Variants in TRIM24 observed in about 807,000 individuals in gnomAD.
The protein encoded by TRIM24 is tripartite motif containing 24.
In TRIM24, 29 loss-of-function variants were observed where a neutral mutation model predicts 123.9. The ratio of observed to expected loss-of-function variants is 0.23; its 90% confidence interval spans 0.17 to 0.32. The LOEUF (loss-of-function observed/expected upper bound fraction) is 0.32, where lower values mean the gene tolerates loss of function less well. TRIM24 is among the 10% of genes least tolerant of loss of function. The pLI, the probability that TRIM24 is intolerant of heterozygous loss-of-function variation, is 1.00. For missense variants in TRIM24, 932 were observed against 1,295.3 expected (o/e 0.72, Z 4.31); for synonymous variants, 456 against 461.1 (o/e 0.99, Z 0.14).
intron 4 of TRIM24, 105 bp from the exon 5 acceptor site, chr7:138,525,136 T>C (rs1247823608): frequency 3.8e-6 from 2 of 520,820 alleles, no homozygotes; most frequent in East Asian, 3.6e-5. Context: ...AAGATTATTA[T>C]ATAAATTCTT....
chr7:138,579,122 A>G (rs1020222266), intron 14 of TRIM24, 82 bp from the exon 15 acceptor site: 1 of 1,165,396 alleles, frequency 8.6e-7, no homozygotes. Context: ...GGTGCTCACC[A>G]GAGAGTGGTC....
chr7:138,582,660 A>G (rs550705406), intron 17 of TRIM24, among the ~76,000 whole-genome samples: 1 of 152,246 alleles, frequency 6.6e-6, no homozygotes, highest in East Asian at 1.9e-4. Context: ...CGGAGGTTGC[A>G]GTGAGCCGAG....
rs1325171624 is a variant in TRIM24 at position 138,460,831 on chromosome 7, A to C, written c.283A>C (p.Met95Leu). Residue 95 changes from methionine (M) to leucine (L), a missense_variant, in exon 1 of 19, where the codon ATG (methionine) becomes CTG (leucine). This residue lies in a region of TRIM24 where 164 missense variants were observed against 181.9 expected (regional missense o/e 0.90). Transcript: ENST00000343526. The stretch of plus-strand genomic sequence containing the variant: ...GCGCTACCTCATGCTGCCCGCGCCC[A>C]TGCTGGGCTCGGCCGAGACCCCGCC... ...PQRYLMLPAP[M>L]LGSAETPPPV... is the part of the protein sequence containing the mutation. 6.3e-7 allele frequency: 1 copy of C among 1,576,032 alleles called. No individual in the cohort carries two copies. Among genetic ancestry groups the C allele is most frequent in the Non-Finnish European group, 8.6e-7 (1 of 1,167,154 alleles).
At chr7:138,505,892 A>G (rs1317009066) in intron 2 of TRIM24, among the ~76,000 whole-genome samples, 1 of 152,156 alleles carries the variant, frequency 6.6e-6, no homozygotes, top group East Asian at 1.9e-4. Context: ...GATTAATTCT[A>G]CAGTTTGTGC....
chr7:138,515,396 C>A, intron 3 of TRIM24, 37 bp downstream of exon 3: 1 of 1,600,048 alleles, frequency 6.2e-7, no homozygotes, highest in South Asian at 1.1e-5. Flanking sequence ...TTCCTTCTAT[C>A]TTTCCCCGTC....
At position 138,587,401 on chromosome 7, in the gene TRIM24, A is replaced by G. The variant is rs1798039036; in HGVS notation, c.*2450A>G. On this transcript the variant is annotated 3_prime_UTR_variant, in exon 19 of 19. Transcript: ENST00000343526. ...TCTCTCTGTAAATAGCCTTTGTGTAATGGTCTTTAGATTAATATCCTTTGA... is the reference window on the plus strand; with the variant it reads ...TCTCTCTGTAAATAGCCTTTGTGTAGTGGTCTTTAGATTAATATCCTTTGA... The G allele has an allele frequency of 6.6e-6, 1 of 152,190 alleles. No individual in the cohort carries two copies. The highest frequency in any genetic ancestry group is 1.5e-5 in the Non-Finnish European group (1 of 68,042). The allele number at this position is 152,190 out of a possible 1,614,324, so 9.4% of individuals were successfully genotyped here. A position where few individuals can be genotyped will look rare whatever the true frequency, so the allele number is the denominator to read the frequency against.
chr7:138,503,138 G>A (rs970492608), intron 1 of TRIM24, among the ~76,000 whole-genome samples: 5 of 116,258 alleles, frequency 4.3e-5, no homozygotes, highest in African/African-American at 1.7e-4. Flanking sequence ...TATAAAGTGT[G>A]CATTTATGTA....
chr7:138,557,773 C>A (rs1350767560), intron 9 of TRIM24, among the ~76,000 whole-genome samples: 1 of 152,150 alleles, frequency 6.6e-6, no homozygotes. Context: ...AATAGCATTT[C>A]TCGTTTTTGT....
At chr7:138,526,771 C>T (rs1220430262) in intron 5 of TRIM24, among the ~76,000 whole-genome samples, 1 of 152,072 alleles carries the variant, frequency 6.6e-6, no homozygotes. Flanking sequence ...TCTTTATTTA[C>T]CATATTCTAA....
intron 1 of TRIM24, among the ~76,000 whole-genome samples, chr7:138,487,513 C>T (rs544438325): frequency 3.1e-3 from 465 of 152,220 alleles, no homozygotes; most frequent in African/African-American, 1.0e-2. Flanking sequence ...TTTTGAGATA[C>T]GTTCCACCAA....
chr7:138,519,395 A>G, intron 4 of TRIM24, 74 bp downstream of exon 4: 3 of 1,489,644 alleles, frequency 2.0e-6, no homozygotes, highest in Non-Finnish European at 2.7e-6. Context: ...GCCAACCCTC[A>G]TCAAATGGCA....
At chr7:138,572,258 A>G (rs979192591) in intron 11 of TRIM24, among the ~76,000 whole-genome samples, 11 of 152,128 alleles carry the variant, frequency 7.2e-5, no homozygotes, top group African/African-American at 2.7e-4. Context: ...TCTAATCCCC[A>G]TAGTTTTATT....
intron 18 of TRIM24, among the ~76,000 whole-genome samples, 181 bp from the exon 19 acceptor site, chr7:138,584,561 T>C (rs1797973175): frequency 6.6e-6 from 1 of 152,232 alleles, no homozygotes; most frequent in African/African-American, 2.4e-5. Flanking sequence ...TACTTTTATC[T>C]TTTTTCCACA....
intron 1 of TRIM24, among the ~76,000 whole-genome samples, chr7:138,484,514 G>A (rs952977853): frequency 6.6e-6 from 1 of 151,724 alleles, no homozygotes; most frequent in East Asian, 1.9e-4. Flanking sequence ...TTTTCTAATA[G>A]TAAAATAAAC....
chr7:138,529,940 A>G (rs925871402), intron 6 of TRIM24, among the ~76,000 whole-genome samples: 19 of 152,176 alleles, frequency 1.2e-4, no homozygotes, highest in African/African-American at 4.6e-4. Flanking sequence ...GCAAATGAGA[A>G]AAAAAAGAAT....
At chr7:138,582,191 A>T (rs568143461) in intron 17 of TRIM24, among the ~76,000 whole-genome samples, 3 of 152,212 alleles carry the variant, frequency 2.0e-5, no homozygotes, top group Admixed American at 1.3e-4. Context: ...ATACAAAAAA[A>T]GTTGAGGAAG....
chr7:138,578,563 T>TGTGTGCGCGCGC (rs145011901), intron 14 of TRIM24, among the ~76,000 whole-genome samples: 109 of 145,082 alleles, frequency 7.5e-4, no homozygotes, highest in East Asian at 7.3e-3. Flanking sequence ...TGTGTGTGTG[T>TGTGTGCGCGCGC]GCGCGCACGC....
chr7:138,546,603 A>G (rs748637425), intron 7 of TRIM24, among the ~76,000 whole-genome samples: 1 of 152,218 alleles, frequency 6.6e-6, no homozygotes, highest in Non-Finnish European at 1.5e-5. Flanking sequence ...AGTTTTGGAA[A>G]AAGACTAATA....
Position 138,587,328 on chromosome 7 carries a change from G to GGC in TRIM24, c.*2377_*2378insGC, listed in dbSNP as rs1798037854. 1 of 152,244 alleles carries GGC rather than the reference G, an allele frequency of 6.6e-6. No individual in the cohort carries two copies. The allele number at this position is 152,244 out of a possible 1,614,324, so 9.4% of individuals were successfully genotyped here. A position where few individuals can be genotyped will look rare whatever the true frequency, so the allele number is the denominator to read the frequency against. ...AGATCTCACCATTGCACTCCAGCCT[G>GGC]AGTGACAGAGACTCAGTCTCAAAAA... On this transcript the variant is annotated 3_prime_UTR_variant, in exon 19 of 19. Coordinates refer to ENST00000343526, the MANE Select transcript of TRIM24 (RefSeq NM_015905.3).
Sources: allele counts gnomAD v4.1 joint callset (sites outside exome capture counted in the v4.1 genomes callset), GRCh38; gene constraint gnomAD v4.1.1; regional missense constraint gnomAD v4.1.1; transcripts MANE v1.5; gene names NCBI Gene and HGNC (gene_info 2026-07-23, HGNC 2026-07-21).